Variants in DIDO1 observed in about 807,000 individuals in gnomAD.
The protein encoded by DIDO1 is death-inducer obliterator 1.
A neutral mutation model predicts 99.4 loss-of-function variants in DIDO1; 16 were observed. That is an observed-to-expected ratio of 0.16 (90% CI 0.11 to 0.24). DIDO1 has a LOEUF of 0.24. DIDO1 is among the 10% of genes least tolerant of loss of function. The pLI is 1.00. For synonymous variants in DIDO1, 1,366 were observed against 1,239.1 expected (o/e 1.10, Z -2.15); for missense variants, 2,996 against 3,014.0 (o/e 0.99, Z 0.14).
intron 1 of DIDO1, among the ~76,000 whole-genome samples, chr20:62,926,065 C>A (rs1278933621): frequency 6.6e-6 from 1 of 152,190 alleles, no homozygotes; most frequent in Non-Finnish European, 1.5e-5. Context: ...AGCCCCCGAG[C>A]CCCGGGCCGC....
intron 15 of DIDO1, 109 bp downstream of exon 15, chr20:62,890,851 C>T (rs754776726): frequency 5.7e-5 from 91 of 1,596,956 alleles, no homozygotes; most frequent in Non-Finnish European, 7.1e-5. Context: ...GCTCCTAACT[C>T]CTGCTCCCAG....
chr20:62,922,735 G>A (rs1377438293), intron 1 of DIDO1, among the ~76,000 whole-genome samples: 4 of 152,196 alleles, frequency 2.6e-5, no homozygotes, highest in South Asian at 4.1e-4. Flanking sequence ...CTGTGCTGGC[G>A]AGGGCTTGGA....
intron 5 of DIDO1, among the ~76,000 whole-genome samples, chr20:62,906,770 G>T (rs2064816020): frequency 6.6e-6 from 1 of 152,032 alleles, no homozygotes; most frequent in Non-Finnish European, 1.5e-5. Context: ...CTGAGAGCCG[G>T]GTCTTAAATG....
chr20:62,906,055 T>C lies in DIDO1; in HGVS notation c.1420A>G (p.Lys474Glu), dbSNP rs767706077. ...SSVHKRPAPE[K>E]KETTVKKAVV... ...GCCTTCTTCACTGTGGTCTCTTTTTTTTCTGGAGCTGGTCTCTTGTGCACA... is the reference window on the plus strand; with the variant it reads ...GCCTTCTTCACTGTGGTCTCTTTTTCTTCTGGAGCTGGTCTCTTGTGCACA... Residue 474 changes from lysine to glutamate, a missense_variant, in exon 6 of 16, where the codon AAA (lysine) becomes GAA (glutamate). By Grantham distance (56) the Lys-to-Glu change is moderately conservative (BLOSUM62 1). Coordinates refer to ENST00000395343, the MANE Select transcript of DIDO1 (RefSeq NM_001193369.2). The C allele has an allele frequency of 3.7e-6, 6 of 1,613,732 alleles. No individual in the cohort carries two copies. The highest frequency in any genetic ancestry group is 3.3e-5 in the Admixed American group (2 of 60,016).
intron 15 of DIDO1, among the ~76,000 whole-genome samples, chr20:62,885,280 C>A (rs538331773): frequency 1.3e-5 from 2 of 152,074 alleles, no homozygotes; most frequent in African/African-American, 4.8e-5. Flanking sequence ...TGTGGGGCCT[C>A]GTGTGGGGAA....
rs1238889125 is a variant in DIDO1, at chr20:62,922,219, TACAC to T, written c.-200+4216_-200+4219del. Among the ~76,000 whole-genome samples the T allele has an allele frequency of 8.9e-5, 8 of 90,288 alleles. 1 individual carries two copies. The highest frequency in any genetic ancestry group is 7.5e-4 in the South Asian group (2 of 2,670). The allele number at this position is 90,288 out of a possible 152,430, so 59.2% of individuals were successfully genotyped here. ...GTGTATATATATATGTACATATATATACACACACACACATATATATATATACACA... is the reference window on the plus strand; with the variant it reads ...GTGTATATATATATGTACATATATATACACACACATATATATATATACACA... On this transcript the variant is annotated intron_variant, in intron 1 of 15. Transcript: ENST00000395343.
At chr20:62,889,301 G>A in intron 15 of DIDO1, 1 of 985,606 alleles carries the variant, frequency 1.0e-6, no homozygotes, top group Non-Finnish European at 1.2e-6. Flanking sequence ...GGCCTCCCTG[G>A]GCCCCGTCAC....
intron 1 of DIDO1, among the ~76,000 whole-genome samples, chr20:62,933,140 G>T (rs1048657337): frequency 6.6e-6 from 1 of 152,194 alleles, no homozygotes; most frequent in Admixed American, 6.5e-5. Flanking sequence ...TAAACCGGTA[G>T]GCGGAGGTTG....
At chr20:62,925,855 G>A (rs955128422) in intron 1 of DIDO1, among the ~76,000 whole-genome samples, 4 of 152,196 alleles carry the variant, frequency 2.6e-5, no homozygotes, top group Admixed American at 6.5e-5. Context: ...GCGCGGGGAG[G>A]TAAGGACACA....
At chr20:62,929,692 A>AAAAAAAAAAAATATAT, upstream of DIDO1, among the ~76,000 whole-genome samples, 3 of 63,710 alleles carry the variant, frequency 4.7e-5, no homozygotes, top group Admixed American at 1.8e-4. Flanking sequence ...AAAAAGAAAA[A>AAAAAAAAAAAATATAT]GTGTATATAT....
intron 1 of DIDO1, among the ~76,000 whole-genome samples, chr20:62,922,048 C>A (rs1474723756): frequency 1.3e-5 from 2 of 148,474 alleles, no homozygotes; most frequent in Admixed American, 1.4e-4. Flanking sequence ...TATATACACA[C>A]AATATATATA....
chr20:62,881,548 G>C lies in DIDO1; in HGVS notation c.4408C>G (p.Pro1470Ala), dbSNP rs1215690362. 1 of 1,611,672 alleles carries C rather than the reference G, an allele frequency of 6.2e-7. No homozygotes were observed. Among genetic ancestry groups the C allele is most frequent in the East Asian group, 2.2e-5 (1 of 44,896 alleles). The change falls in exon 16 of 16, where the codon CCC becomes GCC. Residue 1470 changes from proline to alanine, a missense_variant. Transcript: ENST00000395343. The surrounding 1 kb of genome is among the most constrained non-coding windows in gnomAD (Gnocchi z 8.3). ...ATCTTCTGTTGCTCCACCAGGGAGGGCGTCGCAGCCCCGGCCACCGGCTCG... is the reference window on the plus strand; with the variant it reads ...ATCTTCTGTTGCTCCACCAGGGAGGCCGTCGCAGCCCCGGCCACCGGCTCG... ...PAEPVAGAAT[P>A]SLVEQQKMLE... is the part of the protein sequence containing the mutation.
At chr20:62,927,817 G>C (rs966857124), upstream of DIDO1, among the ~76,000 whole-genome samples, 1 of 152,220 alleles carries the variant, frequency 6.6e-6, no homozygotes, top group African/African-American at 2.4e-5. Flanking sequence ...GTTTTTGCTG[G>C]TGTGGCCCAT....
At chr20:62,921,242 T>C (rs529205727) in intron 1 of DIDO1, among the ~76,000 whole-genome samples, 5 of 152,214 alleles carry the variant, frequency 3.3e-5, no homozygotes, top group Non-Finnish European at 7.4e-5. Context: ...AAATGACTCA[T>C]TTTTAAATGT....
upstream of DIDO1, chr20:62,926,613 C>G (rs568652095): frequency 6.6e-6 from 1 of 152,226 alleles, no homozygotes; most frequent in Non-Finnish European, 1.5e-5. Context: ...CGGCCCCGGA[C>G]TGCGCGCATG....
intron 6 of DIDO1, among the ~76,000 whole-genome samples, chr20:62,902,324 A>G (rs2064701365): frequency 6.6e-6 from 1 of 152,240 alleles, no homozygotes; most frequent in African/African-American, 2.4e-5. Context: ...AGTTATATGG[A>G]TAACGTAAAA....
At chr20:62,905,452 G>A in intron 6 of DIDO1, 1 of 1,530,018 alleles carries the variant, frequency 6.5e-7, no homozygotes, top group Non-Finnish European at 8.8e-7. Context: ...ATGCTTTCAT[G>A]TGCTGGCCGT....
intron 1 of DIDO1, among the ~76,000 whole-genome samples, chr20:62,916,826 G>C (rs1295856675): frequency 6.6e-6 from 1 of 152,200 alleles, no homozygotes; most frequent in Non-Finnish European, 1.5e-5. Flanking sequence ...CCAAGGAGCA[G>C]TTTCATAAAA....
chr20:62,880,213 G>C lies in DIDO1; in HGVS notation c.5743C>G (p.Gln1915Glu), dbSNP rs755093778. 77 of 1,612,330 alleles carry C rather than the reference G, an allele frequency of 4.8e-5. No homozygotes were observed. Among genetic ancestry groups the C allele is most frequent in the Non-Finnish European group, 6.4e-5 (75 of 1,179,906 alleles). ...GGPPPSQFGG[Q>E]RGPPPGHFVG... ...AAATGACCAGGGGGTGGTCCTCTCT[G>C]ACCTCCAAACTGAGAGGGAGGGGGG... The change falls in exon 16 of 16, where the codon CAG becomes GAG. Residue 1915 changes from glutamine to glutamate, a missense_variant. By Grantham distance (29) the Gln-to-Glu change is conservative. This residue lies in a region of DIDO1 where 1,562 missense variants were observed against 1,412.6 expected (regional missense o/e 1.11). Coordinates refer to ENST00000395343, the MANE Select transcript of DIDO1 (RefSeq NM_001193369.2).
Sources: allele counts gnomAD v4.1 joint callset (sites outside exome capture counted in the v4.1 genomes callset), GRCh38; gene constraint gnomAD v4.1.1; regional missense constraint gnomAD v4.1.1; non-coding constraint Gnocchi (gnomAD v3.1); transcripts MANE v1.5; gene names NCBI Gene and HGNC (gene_info 2026-07-23, HGNC 2026-07-21).